Variants in DGKI observed in about 807,000 individuals in gnomAD.
DGKI encodes diacylglycerol kinase iota, also known as DAG kinase iota.
In DGKI, 55 loss-of-function variants were observed where a neutral mutation model predicts 147.5. That is an observed-to-expected ratio of 0.37 (90% CI 0.30 to 0.47). DGKI has a LOEUF of 0.47. Among genes scored for constraint, DGKI ranks in the 20% least tolerant of loss-of-function variants. DGKI has a pLI of 1.00. For synonymous variants in DGKI, 469 were observed against 477.1 expected, an observed-to-expected ratio of 0.98 and a Z score of 0.22; for missense variants, 1,007 against 1,323.8, an observed-to-expected ratio of 0.76 and a Z score of 3.71.
chr7:137,428,973 C>A (rs1384992800), intron 28 of DGKI, among the ~76,000 whole-genome samples: 1 of 152,072 alleles, frequency 6.6e-6, no homozygotes, highest in Non-Finnish European at 1.5e-5. Flanking sequence ...AATGGCCATA[C>A]TGCCCAAGGT....
intron 1 of DGKI, among the ~76,000 whole-genome samples, chr7:137,738,107 T>TATATGTCCTATGTTTATTACC (rs1795076327): frequency 6.6e-6 from 1 of 152,188 alleles, no homozygotes; most frequent in African/African-American, 2.4e-5. Context: ...TATATAGCCC[T>TATATGTCCTATGTTTATTACC]ATAAAATATG....
chr7:137,587,550 T>C (rs1281657926), intron 12 of DGKI, among the ~76,000 whole-genome samples: 5 of 152,212 alleles, frequency 3.3e-5, no homozygotes, highest in African/African-American at 1.2e-4. Context: ...AAACTCAGAA[T>C]AAGACTGAAT....
intron 28 of DGKI, among the ~76,000 whole-genome samples, chr7:137,443,332 A>G (rs1813584697): frequency 1.3e-5 from 2 of 152,218 alleles, no homozygotes; most frequent in Admixed American, 1.3e-4. Context: ...GTACTAGGGA[A>G]AAGAAATATA....
intron 23 of DGKI, among the ~76,000 whole-genome samples, chr7:137,474,317 T>C (rs1231848511): frequency 6.6e-6 from 1 of 152,210 alleles, no homozygotes; most frequent in Non-Finnish European, 1.5e-5. Flanking sequence ...ACACTAAAAA[T>C]TGGAGATTTT....
rs543224547 is a variant in DGKI, at chr7:137,559,536, T to TA, written c.1948-6969dup. On this transcript the variant is annotated intron_variant, in intron 19 of 32. Coordinates refer to ENST00000614521, the MANE Select transcript of DGKI (RefSeq NM_001321708.2). ...TTTGAAAAACCTCCCTTCTGCAAATTAAAAAAAATAGTAGCAATTATTGCA... is the reference window on the plus strand; with the variant it reads ...TTTGAAAAACCTCCCTTCTGCAAATTAAAAAAAAATAGTAGCAATTATTGCA... Among the ~76,000 whole-genome samples the TA allele has an allele frequency of 1.7e-3, 256 of 151,736 alleles. 2 individuals carry two copies. The highest frequency in any genetic ancestry group is 5.3e-3 in the African/African-American group (220 of 41,370).
At chr7:137,732,513 G>T (rs1001941629) in intron 1 of DGKI, among the ~76,000 whole-genome samples, 1 of 151,788 alleles carries the variant, frequency 6.6e-6, no homozygotes, top group Non-Finnish European at 1.5e-5. Flanking sequence ...CTAAACCATC[G>T]ACCCCTTTCC....
chr7:137,409,258 A>G (rs1331520203), intron 29 of DGKI, among the ~76,000 whole-genome samples: 2 of 152,264 alleles, frequency 1.3e-5, no homozygotes, highest in African/African-American at 4.8e-5. Flanking sequence ...TCTTAAAAAA[A>G]GAACCTAAAT....
At chr7:137,829,796 C>T (rs1003680038) in intron 1 of DGKI, among the ~76,000 whole-genome samples, 1 of 152,226 alleles carries the variant, frequency 6.6e-6, no homozygotes, top group Admixed American at 6.5e-5. Flanking sequence ...TGTGTCAACT[C>T]ACTGAAAGAA....
chr7:137,449,170 T>C lies in DGKI; in HGVS notation c.2736-5068A>G, dbSNP rs114476670. 4.3e-3 allele frequency among the ~76,000 whole-genome samples: 648 copies of C among 152,230 alleles called. 5 individuals carry two copies. The highest frequency in any genetic ancestry group is 0.015 in the African/African-American group (620 of 41,540). On this transcript the variant is annotated intron_variant, in intron 27 of 32. Coordinates refer to ENST00000614521, the MANE Select transcript of DGKI (RefSeq NM_001321708.2). ...ACGTGTATGAAACCACAGAAGACCC[T>C]GAATAGCCAAAGCAATCTAGAGCAA...
At chr7:137,641,088 AGTGAAT>A (rs1821607229) in intron 6 of DGKI, among the ~76,000 whole-genome samples, 1 of 152,154 alleles carries the variant, frequency 6.6e-6, no homozygotes, top group Non-Finnish European at 1.5e-5. Flanking sequence ...TTCTTGTGAT[AGTGAAT>A]GAGTCTCATG....
chr7:137,459,046 C>T (rs1370532474), intron 27 of DGKI, among the ~76,000 whole-genome samples: 1 of 152,174 alleles, frequency 6.6e-6, no homozygotes, highest in Non-Finnish European at 1.5e-5. Context: ...TTTGGAATTA[C>T]AGTCTTTCCT....
At chr7:137,585,411 T>C in intron 13 of DGKI, 65 bp from the exon 14 acceptor site, 4 of 1,558,168 alleles carry the variant, frequency 2.6e-6, no homozygotes, top group Non-Finnish European at 3.5e-6. Context: ...AATGCTATTT[T>C]ACGCAAGGAA....
At chr7:137,552,275 C>T in intron 20 of DGKI, 94 bp downstream of exon 20, 1 of 1,389,476 alleles carries the variant, frequency 7.2e-7, no homozygotes. Context: ...TTTTCCTCTT[C>T]CCAACACAGT....
chr7:137,503,400 A>T lies in DGKI; in HGVS notation c.2249-15711T>A, dbSNP rs1314662722. Among the ~76,000 whole-genome samples the T allele has an allele frequency of 3.2e-4, 48 of 152,174 alleles. 1 individual carries two copies. The highest frequency in any genetic ancestry group is 3.1e-3 in the Admixed American group (48 of 15,274). On this transcript the variant is annotated intron_variant, in intron 21 of 32. Transcript: ENST00000614521. ...CAGAATTTCCAATACTGAACTGAAG[A>T]CCTCAATGACAGTTAACACAAACCA...
chr7:137,408,325 C>T (rs1315438284), intron 29 of DGKI, among the ~76,000 whole-genome samples: 3 of 152,158 alleles, frequency 2.0e-5, no homozygotes, highest in African/African-American at 7.2e-5. Flanking sequence ...GAGTGGAGAA[C>T]AAAAGCATCT....
chr7:137,650,014 T>G (rs1821969375), intron 5 of DGKI, among the ~76,000 whole-genome samples: 1 of 152,114 alleles, frequency 6.6e-6, no homozygotes, highest in African/African-American at 2.4e-5. Context: ...AGGTATAATG[T>G]GAACTAGGGT....
intron 1 of DGKI, among the ~76,000 whole-genome samples, chr7:137,726,225 T>A (rs1355357556): frequency 6.6e-6 from 1 of 152,140 alleles, no homozygotes; most frequent in Non-Finnish European, 1.5e-5. Context: ...CCACAATCAA[T>A]GATGAATGAA....
At chr7:137,576,470 C>T (rs776423766) in intron 17 of DGKI, among the ~76,000 whole-genome samples, 6 of 152,122 alleles carry the variant, frequency 3.9e-5, no homozygotes, top group Middle Eastern at 3.2e-3. Flanking sequence ...TTTACTTATA[C>T]GACTATGTGC....
intron 19 of DGKI, among the ~76,000 whole-genome samples, chr7:137,563,326 TC>T (rs1197391775): frequency 2.0e-5 from 3 of 151,960 alleles, no homozygotes; most frequent in Non-Finnish European, 4.4e-5. Context: ...ATGGAATGCT[TC>T]CCCATGTAAT....
Sources: gnomAD v4.1 joint callset for allele counts (sites outside exome capture counted in the v4.1 genomes callset) on GRCh38, gnomAD v4.1.1 for gene constraint, MANE v1.5 for transcripts, NCBI Gene and HGNC (gene_info 2026-07-23, HGNC 2026-07-21) for gene names.